KHDRBS2: variants seen among roughly 807,000 people sequenced by gnomAD.
The protein encoded by KHDRBS2 is KH RNA binding domain containing, signal transduction associated 2, also known as KH domain-containing, RNA-binding, signal transduction-associated protein 2.
Under a neutral mutation model 44.3 loss-of-function variants are expected in KHDRBS2, and 26 were observed. The ratio of observed to expected loss-of-function variants is 0.59; its 90% CI spans 0.43 to 0.81. The LOEUF (loss-of-function observed/expected upper bound fraction) is 0.81. Among genes scored for constraint, KHDRBS2 ranks in the 40% least tolerant of loss-of-function variants. The probability of loss-of-function intolerance (pLI) is 0.00; values close to 1 mark genes in which losing one functional copy is unlikely to be tolerated. For synonymous variants in KHDRBS2, 194 were observed against 151.1 expected (o/e 1.28, Z -2.08); for missense variants, 476 against 433.1 (o/e 1.10, Z -0.88).
chr6:61,596,257 CA>C, the KHDRBS2 span, among the ~76,000 whole-genome samples: 2 of 152,184 alleles, frequency 1.3e-5, no homozygotes, highest in Non-Finnish European at 2.9e-5. Flanking sequence ...AAAAAAATTA[CA>C]GAGGCAACAG....
At chr6:62,074,923 T>C (rs1796032640) in intron 2 of KHDRBS2, among the ~76,000 whole-genome samples, 1 of 151,928 alleles carries the variant, frequency 6.6e-6, no homozygotes, top group African/African-American at 2.4e-5. Context: ...GTCCCTACAG[T>C]TTTTGAATTT....
intron 7 of KHDRBS2, among the ~76,000 whole-genome samples, chr6:61,721,016 C>A (rs541760420): frequency 3.3e-5 from 5 of 151,110 alleles, no homozygotes; most frequent in African/African-American, 7.3e-5. Context: ...GTTTTCCCAG[C>A]ACCATTTATT....
chr6:61,695,894 C>A lies in KHDRBS2; in HGVS notation c.952+1301G>T, dbSNP rs111605629. Among the ~76,000 whole-genome samples, 277 of 152,138 alleles carry A rather than the reference C, an allele frequency of 1.8e-3. 1 individual carries two copies. The highest frequency in any genetic ancestry group is 5.7e-3 in the African/African-American group (238 of 41,504). ...CAGCCTGATGCAGCATCATATGAAG[C>A]CCCAAACACAGCAATAACCATTGTT... On this transcript the variant is annotated intron_variant, in intron 8 of 8. Transcript: ENST00000281156.
chr6:62,043,503 C>G (rs1413546195), intron 3 of KHDRBS2, among the ~76,000 whole-genome samples: 4 of 152,042 alleles, frequency 2.6e-5, no homozygotes, highest in African/African-American at 9.7e-5. Context: ...AGCTTCTGTG[C>G]AAGCATTCCT....
chr6:61,875,417 C>T (rs951766539), intron 6 of KHDRBS2, among the ~76,000 whole-genome samples: 14 of 152,044 alleles, frequency 9.2e-5, no homozygotes, highest in Admixed American at 7.9e-4. Flanking sequence ...AAGTATGTTA[C>T]ACATGCCAAT....
At chr6:62,048,990 CTCTTT>C (rs1174868435) in intron 2 of KHDRBS2, among the ~76,000 whole-genome samples, 7 of 151,290 alleles carry the variant, frequency 4.6e-5, no homozygotes, top group African/African-American at 1.2e-4. Context: ...CTCTTCTCTT[CTCTTT>C]TTTCTTTCTG....
At chr6:62,044,174 C>T (rs181732331) in intron 3 of KHDRBS2, among the ~76,000 whole-genome samples, 1 of 152,018 alleles carries the variant, frequency 6.6e-6, no homozygotes, top group East Asian at 2.0e-4. Context: ...AGCCTCCAGT[C>T]TCCCGCTTAA....
chr6:62,278,191 A>G (rs771146601), intron 1 of KHDRBS2, among the ~76,000 whole-genome samples: 12 of 152,236 alleles, frequency 7.9e-5, no homozygotes, highest in Non-Finnish European at 1.5e-4. Flanking sequence ...ATTCCAATGA[A>G]GATATATTTC....
chr6:62,089,886 C>T (rs1454502296), intron 2 of KHDRBS2, among the ~76,000 whole-genome samples: 7 of 152,190 alleles, frequency 4.6e-5, no homozygotes, highest in African/African-American at 1.7e-4. Context: ...CACTCTAGGT[C>T]TAAGAAAAAC....
chr6:61,769,992 C>T (rs1780609686), intron 6 of KHDRBS2, among the ~76,000 whole-genome samples: 1 of 152,132 alleles, frequency 6.6e-6, no homozygotes, highest in Non-Finnish European at 1.5e-5. Context: ...ACAAAACTTC[C>T]AGAGGAACGA....
At chr6:62,018,086 GAAC>G (rs1216955622) in intron 3 of KHDRBS2, among the ~76,000 whole-genome samples, 1 of 150,748 alleles carries the variant, frequency 6.6e-6, no homozygotes, top group Non-Finnish European at 1.5e-5. Context: ...GGTAATAAAA[GAAC>G]AATAATAGCT....
intron 1 of KHDRBS2, among the ~76,000 whole-genome samples, chr6:62,257,128 TGTAA>T (rs1352618548): frequency 6.6e-6 from 1 of 152,062 alleles, no homozygotes; most frequent in Non-Finnish European, 1.5e-5. Context: ...TAAATTAAGG[TGTAA>T]GTATTAATAC....
intron 6 of KHDRBS2, among the ~76,000 whole-genome samples, chr6:61,805,335 T>A (rs1278676061): frequency 2.0e-5 from 3 of 152,140 alleles, no homozygotes; most frequent in Non-Finnish European, 4.4e-5. Context: ...ATTTCATTGT[T>A]CATATCACTA....
chr6:62,042,008 C>T (rs1291860207), intron 3 of KHDRBS2, among the ~76,000 whole-genome samples: 1 of 152,054 alleles, frequency 6.6e-6, no homozygotes, highest in Non-Finnish European at 1.5e-5. Flanking sequence ...CTCCTCAAAT[C>T]AAACCTAATT....
In KHDRBS2 at chr6:61,738,222, G is replaced by A. The variant is rs138362553; in HGVS notation, c.811-5458C>T. Among the ~76,000 whole-genome samples, 1,397 of 152,022 alleles carry A rather than the reference G, an allele frequency of 9.2e-3. 13 individuals are homozygous for A. Among genetic ancestry groups the A allele is most frequent in the Non-Finnish European group, 0.016 (1,068 of 67,900 alleles). ...TTCCTCAAGTACAAAGAGCACATCC[G>A]ATGTGTCCAGTAAAAGAAAACCTTC... On this transcript the variant is annotated intron_variant, in intron 6 of 8. Transcript: ENST00000281156.
intron 4 of KHDRBS2, among the ~76,000 whole-genome samples, chr6:61,915,873 G>T (rs1806898637): frequency 6.6e-6 from 1 of 151,866 alleles, no homozygotes; most frequent in South Asian, 2.1e-4. Context: ...ATTTTACTCA[G>T]GCATTTAGCA....
chr6:62,004,986 A>G (rs1778952034), intron 3 of KHDRBS2, among the ~76,000 whole-genome samples: 1 of 152,164 alleles, frequency 6.6e-6, no homozygotes, highest in East Asian at 1.9e-4. Flanking sequence ...AGAAGTCTCA[A>G]TAAAGTAGGT....
intron 2 of KHDRBS2, among the ~76,000 whole-genome samples, chr6:62,114,348 T>A (rs1805711050): frequency 6.6e-6 from 1 of 152,116 alleles, no homozygotes; most frequent in Non-Finnish European, 1.5e-5. Context: ...GGGCTGTGAG[T>A]TGTGACCTGA....
chr6:61,552,311 C>T, the KHDRBS2 span, among the ~76,000 whole-genome samples: 1 of 151,906 alleles, frequency 6.6e-6, no homozygotes, highest in African/African-American at 2.4e-5. Flanking sequence ...TGGCTGCCAA[C>T]TTGGATGCTG....
Sources: gnomAD v4.1 joint callset for allele counts (sites outside exome capture counted in the v4.1 genomes callset) on GRCh38, gnomAD v4.1.1 for gene constraint, MANE v1.5 for transcripts, NCBI Gene and HGNC (gene_info 2026-07-23, HGNC 2026-07-21) for gene names.